The following KCNQ3 variants were observed in gnomAD, a reference collection of about 807,000 sequenced individuals.
KCNQ3 encodes potassium voltage-gated channel subfamily KQT member 3.
In KCNQ3, 30 loss-of-function variants were observed where a neutral mutation model predicts 92.5. The ratio of observed to expected loss-of-function variants is 0.32; its 90% CI spans 0.24 to 0.44. KCNQ3 has a LOEUF of 0.44. Ranked by LOEUF, KCNQ3 falls within the 20% of genes least tolerant of loss-of-function variation. KCNQ3 has a pLI of 1.00. For synonymous variants in KCNQ3, 450 were observed against 468.8 expected, an observed-to-expected ratio of 0.96 and a Z score of 0.52; for missense variants, 913 against 1,140.3, an observed-to-expected ratio of 0.80 and a Z score of 2.87.
At chr8:132,280,931 C>T (rs571049683) in intron 1 of KCNQ3, among the ~76,000 whole-genome samples, 25 of 152,204 alleles carry the variant, frequency 1.6e-4, no homozygotes, top group South Asian at 6.2e-4. Flanking sequence ...GTTTTGAACA[C>T]GGGAGAAAGA....
At position 132,134,353 on chromosome 8, in the gene KCNQ3, G is replaced by A. The variant is rs761487326; in HGVS notation, c.1736C>T (p.Thr579Met). 49 of 1,613,750 alleles carry A rather than the reference G, an allele frequency of 3.0e-5. No individual in the cohort carries two copies. The highest frequency in any genetic ancestry group is 4.1e-5 in the Non-Finnish European group (48 of 1,179,810). The change falls in exon 13 of 15, where the codon ACG becomes ATG. Residue 579 changes from threonine (T) to methionine (M), a missense_variant. This residue lies in a region of KCNQ3 where 182 missense variants were observed against 234.5 expected (regional missense o/e 0.78). Coordinates refer to ENST00000388996, the MANE Select transcript of KCNQ3 (RefSeq NM_004519.4). ...DMIFTPGPPSTPKHKKSQKGS... is the reference protein window; with the variant it reads ...DMIFTPGPPSMPKHKKSQKGS... ...TTTCTGAGACTTCTTGTGTTTTGGC[G>A]TGGAGGGAGGTCCAGGGGTGAAAAT...
intron 1 of KCNQ3, among the ~76,000 whole-genome samples, chr8:132,346,113 T>C (rs150806429): frequency 2.0e-5 from 3 of 152,144 alleles, no homozygotes; most frequent in Admixed American, 6.5e-5. Flanking sequence ...GTGATAATAA[T>C]GGTATGGTGA....
At chr8:132,404,842 T>C (rs1820435260) in intron 1 of KCNQ3, among the ~76,000 whole-genome samples, 1 of 152,168 alleles carries the variant, frequency 6.6e-6, no homozygotes, top group Admixed American at 6.5e-5. Context: ...GTGATAAGCA[T>C]TTATCTTAAT....
At chr8:132,134,647 A>G (rs1825016363) in intron 12 of KCNQ3, among the ~76,000 whole-genome samples, 1 of 151,918 alleles carries the variant, frequency 6.6e-6, no homozygotes, top group South Asian at 2.1e-4. Context: ...ACCTCGGTAT[A>G]TTCTTCCGCT....
intron 14 of KCNQ3, among the ~76,000 whole-genome samples, chr8:132,130,380 A>G (rs1296627875): frequency 6.6e-6 from 1 of 152,228 alleles, no homozygotes; most frequent in Non-Finnish European, 1.5e-5. Flanking sequence ...CCTGACCGGA[A>G]GGAAATATTC....
At chr8:132,227,675 G>T (rs898245831) in intron 1 of KCNQ3, among the ~76,000 whole-genome samples, 2 of 152,174 alleles carry the variant, frequency 1.3e-5, no homozygotes, top group Non-Finnish European at 2.9e-5. Context: ...TGGCGGTGCC[G>T]GGGGCAAATG....
At chr8:132,279,257 T>G (rs547190059) in intron 1 of KCNQ3, among the ~76,000 whole-genome samples, 5 of 152,274 alleles carry the variant, frequency 3.3e-5, no homozygotes, top group South Asian at 2.1e-4. Flanking sequence ...CGCCAGTGAT[T>G]CTGATTTATT....
chr8:132,309,524 A>G (rs1817528579), intron 1 of KCNQ3, among the ~76,000 whole-genome samples: 1 of 152,232 alleles, frequency 6.6e-6, no homozygotes, highest in African/African-American at 2.4e-5. Flanking sequence ...CCCTTTCAGG[A>G]CCGGCACCCC....
At position 132,125,195 on chromosome 8, in the gene KCNQ3, G is replaced by A. The variant is rs1304066117; in HGVS notation, c.*4067C>T. On this transcript the variant is annotated 3_prime_UTR_variant, in exon 15 of 15. Coordinates refer to ENST00000388996, the MANE Select transcript of KCNQ3 (RefSeq NM_004519.4). ...TGCACAGCTTCTCTGGAGCTATGAA[G>A]TTCAAAGCATTGAATCCAAACTCGA... is the stretch of plus-strand genomic sequence containing the variant. 6.6e-6 allele frequency: 1 copy of A among 152,172 alleles called. No individual in the cohort carries two copies. Among genetic ancestry groups the A allele is most frequent in the Non-Finnish European group, 1.5e-5 (1 of 68,056 alleles). 9.4% of individuals were successfully genotyped at this position (152,172 alleles called of 1,614,324 possible).
At chr8:132,184,546 G>A (rs919056776) in intron 2 of KCNQ3, among the ~76,000 whole-genome samples, 179 bp from the exon 3 acceptor site, 4 of 152,164 alleles carry the variant, frequency 2.6e-5, no homozygotes, top group South Asian at 2.1e-4. Context: ...GTCCATCACC[G>A]CCATTCAGTT....
chr8:132,277,857 T>C, intron 1 of KCNQ3: 3 of 762,802 alleles, frequency 3.9e-6, no homozygotes, highest in Non-Finnish European at 4.8e-6. Context: ...ACCAGGTTGT[T>C]GGAAGGTTTT....
At chr8:132,237,337 A>G (rs1814849481) in intron 1 of KCNQ3, among the ~76,000 whole-genome samples, 1 of 152,192 alleles carries the variant, frequency 6.6e-6, no homozygotes, top group Admixed American at 6.5e-5. Flanking sequence ...TGTTCCAGGC[A>G]TTGTTTTCAG....
intron 1 of KCNQ3, among the ~76,000 whole-genome samples, chr8:132,435,310 T>C (rs1017663428): frequency 2.6e-5 from 4 of 152,192 alleles, no homozygotes; most frequent in African/African-American, 9.7e-5. Flanking sequence ...AAAGGAATGG[T>C]ACAAGAACAG....
intron 13 of KCNQ3, among the ~76,000 whole-genome samples, chr8:132,133,567 G>A (rs1293198494): frequency 1.3e-5 from 2 of 152,110 alleles, no homozygotes; most frequent in East Asian, 1.9e-4. Flanking sequence ...TGTTGGCCAG[G>A]CTGGTCTCGA....
intron 1 of KCNQ3, among the ~76,000 whole-genome samples, chr8:132,295,793 A>C (rs1472347023): frequency 6.6e-6 from 1 of 152,172 alleles, no homozygotes; most frequent in Middle Eastern, 3.2e-3. Flanking sequence ...ACAGAAAACC[A>C]AACACTGCAT....
chr8:132,371,943 G>A (rs1224744220), intron 1 of KCNQ3, among the ~76,000 whole-genome samples: 5 of 152,162 alleles, frequency 3.3e-5, no homozygotes, highest in Non-Finnish European at 5.9e-5. Context: ...CTCCAGGGGG[G>A]ATTTGTAGCA....
intron 1 of KCNQ3, among the ~76,000 whole-genome samples, chr8:132,334,981 C>T (rs1818326110): frequency 6.7e-6 from 1 of 149,396 alleles, no homozygotes; most frequent in Non-Finnish European, 1.5e-5. Context: ...AACAAGTCAT[C>T]TTAGACATTT....
intron 1 of KCNQ3, among the ~76,000 whole-genome samples, chr8:132,267,269 A>C (rs1816013154): frequency 6.6e-6 from 1 of 152,158 alleles, no homozygotes; most frequent in Non-Finnish European, 1.5e-5. Context: ...TTAAACCTTC[A>C]ACACTCAAAT....
chr8:132,285,438 A>C (rs1267513638), intron 1 of KCNQ3, among the ~76,000 whole-genome samples: 1 of 152,270 alleles, frequency 6.6e-6, no homozygotes, highest in Non-Finnish European at 1.5e-5. Context: ...CACTGTGTCC[A>C]TGCCCTAGGG....
Sources: gnomAD v4.1 joint callset for allele counts (sites outside exome capture counted in the v4.1 genomes callset) on GRCh38, gnomAD v4.1.1 for gene constraint, gnomAD v4.1.1 regional missense constraint, MANE v1.5 for transcripts, NCBI Gene and HGNC (gene_info 2026-07-23, HGNC 2026-07-21) for gene names.